TBC1D30: variants seen among roughly 807,000 people sequenced by gnomAD.
The protein encoded by TBC1D30 is TBC1 domain family member 30.
A neutral mutation model predicts 63.2 loss-of-function variants in TBC1D30; 31 were observed. That is an observed-to-expected ratio of 0.49 (90% CI 0.37 to 0.66). TBC1D30 has a LOEUF of 0.66. Among genes scored for constraint, TBC1D30 ranks in the 30% least tolerant of loss-of-function variants. The pLI, the probability that TBC1D30 is intolerant of heterozygous loss-of-function variation, is 0.00. For synonymous variants in TBC1D30, 307 were observed against 361.5 expected, an observed-to-expected ratio of 0.85 and a Z score of 1.71; for missense variants, 810 against 953.6, an observed-to-expected ratio of 0.85 and a Z score of 1.98.
exon 1 of TBC1D30, chr12:64,759,573 G>A (rs1870415858): frequency 2.3e-6 from 1 of 437,552 alleles, no homozygotes; most frequent in East Asian, 3.9e-5. Context: ...GCGGAGAACC[G>A]GAGAAAAGGG....
At chr12:64,845,594 C>A (rs562187065) in intron 8 of TBC1D30, among the ~76,000 whole-genome samples, 61 of 151,756 alleles carry the variant, frequency 4.0e-4, no homozygotes, top group Non-Finnish European at 7.8e-4. Flanking sequence ...GGCGTGGTGG[C>A]GGGTGCCTGT....
chr12:64,851,809 G>C (rs939786055), intron 8 of TBC1D30, among the ~76,000 whole-genome samples: 4 of 152,154 alleles, frequency 2.6e-5, no homozygotes, highest in African/African-American at 9.7e-5. Context: ...GAGATTCTGG[G>C]CTGAATATTC....
At chr12:64,867,252 T>G (rs1389833218) in intron 10 of TBC1D30, among the ~76,000 whole-genome samples, 2 of 151,826 alleles carry the variant, frequency 1.3e-5, no homozygotes, top group Admixed American at 6.6e-5. Flanking sequence ...CATCATGAGG[T>G]CAGGAGTTTG....
chr12:64,875,204 C>T lies in TBC1D30; in HGVS notation c.1702C>T (p.His568Tyr). Reference sequence around the variant, plus strand: ...GAAGCTCAACTCCCCGTGGCGAACTCACATCCGAGTCCACAAAAAGAACAT... The same window carrying T: ...GAAGCTCAACTCCCCGTGGCGAACTTACATCCGAGTCCACAAAAAGAACAT... ...KTKLNSPWRT[H>Y]IRVHKKNMPR... The change falls in exon 12 of 12, where the codon CAC becomes TAC. Residue 568 changes from histidine (H) to tyrosine (Y), a missense_variant. By Grantham distance (83) the His-to-Tyr change is moderately conservative. Transcript: ENST00000539867. 6.5e-7 allele frequency: 1 copy of T among 1,536,412 alleles called. No homozygotes were observed. Among genetic ancestry groups the T allele is most frequent in the Non-Finnish European group, 8.7e-7 (1 of 1,146,932 alleles).
chr12:64,808,505 A>G (rs988468035), intron 2 of TBC1D30, among the ~76,000 whole-genome samples: 1 of 152,350 alleles, frequency 6.6e-6, no homozygotes, highest in South Asian at 2.1e-4. Flanking sequence ...AGATACTGCC[A>G]TAAGAGAGAC....
rs74486680 is a variant in TBC1D30 at position 64,829,474 on chromosome 12, A to G, written c.283-903A>G. On this transcript the variant is annotated intron_variant, in intron 3 of 11. Transcript: ENST00000539867. ...GGAGGTAGAATTACTGTTTACTCAG[A>G]TGGGAGGAGTAGGTGAGGTGTGTGT... Among the ~76,000 whole-genome samples the G allele has an allele frequency of 3.9e-3, 593 of 152,218 alleles. 2 individuals carry two copies. The highest frequency in any genetic ancestry group is 6.1e-3 in the Non-Finnish European group (417 of 67,998).
intron 10 of TBC1D30, among the ~76,000 whole-genome samples, chr12:64,869,464 A>G (rs1430423164): frequency 6.6e-6 from 1 of 152,204 alleles, no homozygotes; most frequent in African/African-American, 2.4e-5. Context: ...CTTTTTAAAA[A>G]TCTGAACCCA....
At chr12:64,868,419 CT>C in intron 10 of TBC1D30, 1 of 221,530 alleles carries the variant, frequency 4.5e-6, no homozygotes, top group Non-Finnish European at 8.9e-6. Context: ...ACCTCTGATC[CT>C]TAGGGAAAAT....
At chr12:64,793,079 C>T (rs1872029485) in intron 2 of TBC1D30, among the ~76,000 whole-genome samples, 1 of 152,080 alleles carries the variant, frequency 6.6e-6, no homozygotes, top group South Asian at 2.1e-4. Flanking sequence ...GGGTCTCACA[C>T]CTGTAATCCT....
At chr12:64,825,234 C>G (rs911931761) in intron 1 of TBC1D30, 1 of 582,712 alleles carries the variant, frequency 1.7e-6, no homozygotes, top group Admixed American at 4.0e-5. Context: ...GGTGGGGCAG[C>G]GGCCACCCCA....
chr12:64,824,767 C>T lies in TBC1D30; in HGVS notation c.-113C>T. 2 of 1,385,822 alleles carry T rather than the reference C, an allele frequency of 1.4e-6. No homozygotes were observed. Among genetic ancestry groups the T allele is most frequent in the South Asian group, 2.9e-5 (2 of 67,916 alleles). The allele number at this position is 1,385,822 out of a possible 1,614,324, so 85.8% of individuals were successfully genotyped here. ...GCCGGCTGTGCGCTCCCTGCTCCCA[C>T]GGGCCGGTCAGCCGCAGACACTCAC... On this transcript the variant is annotated 5_prime_UTR_variant, in exon 1 of 12. It adds an upstream start codon to the 5' untranslated region. Coordinates refer to ENST00000539867, the MANE Select transcript of TBC1D30 (RefSeq NM_015279.2).
At chr12:64,772,360 C>T (rs1241234190) in intron 1 of TBC1D30, among the ~76,000 whole-genome samples, 1 of 151,846 alleles carries the variant, frequency 6.6e-6, no homozygotes, top group Admixed American at 6.6e-5. Context: ...GACAAAATGG[C>T]TTAGTCAATT....
rs1335757495 is a variant in TBC1D30 at position 64,850,305 on chromosome 12, C to G, written c.1038+6820C>G. 2.0e-5 allele frequency among the ~76,000 whole-genome samples: 3 copies of G among 152,122 alleles called. No individual in the cohort carries two copies. The South Asian group carries it at 6.2e-4, about 32-fold the overall frequency. ...ATTGCCCTGGCCAGAACTTCTAATA[C>G]TGTGTTGAATAGGAGTGATGAGAGA... On this transcript the variant is annotated intron_variant, in intron 8 of 11. Coordinates refer to ENST00000539867, the MANE Select transcript of TBC1D30 (RefSeq NM_015279.2).
chr12:64,826,561 G>C (rs1400579560), intron 1 of TBC1D30, among the ~76,000 whole-genome samples: 1 of 152,062 alleles, frequency 6.6e-6, no homozygotes, highest in African/African-American at 2.4e-5. Context: ...TAAAGCGTGC[G>C]CTGGGCTGGA....
chr12:64,764,827 G>A (rs1235298261), intron 1 of TBC1D30, among the ~76,000 whole-genome samples: 1 of 152,222 alleles, frequency 6.6e-6, no homozygotes, highest in Non-Finnish European at 1.5e-5. Flanking sequence ...ACTGAGATGT[G>A]CATTCACAGG....
intron 6 of TBC1D30, 134 bp from the exon 7 acceptor site, chr12:64,838,549 A>C: frequency 1.1e-6 from 1 of 894,834 alleles, no homozygotes; most frequent in Non-Finnish European, 1.6e-6. Context: ...AGAAAGAACA[A>C]GAGTTTAGAA....
At chr12:64,842,442 T>C (rs747221690) in intron 7 of TBC1D30, among the ~76,000 whole-genome samples, 1 of 152,176 alleles carries the variant, frequency 6.6e-6, no homozygotes, top group Non-Finnish European at 1.5e-5. Flanking sequence ...TTCCCCTTTG[T>C]AGAAGAAAGA....
Position 64,870,816 on chromosome 12 carries a change from G to A in TBC1D30, c.1498+8G>A. 4 of 1,535,800 alleles carry A rather than the reference G, an allele frequency of 2.6e-6. No individual in the cohort carries two copies. Among genetic ancestry groups the A allele is most frequent in the Non-Finnish European group, 3.5e-6 (4 of 1,146,690 alleles). ...AGGTGTACATCAGGGCAGGTAATGT[G>A]ATTCTTCATTTGAATCAATTTCAGC... On this transcript the variant is annotated splice_region_variant and intron_variant, in intron 11 of 11. Coordinates refer to ENST00000539867, the MANE Select transcript of TBC1D30 (RefSeq NM_015279.2).
At chr12:64,818,515 C>G (rs956797539) in intron 2 of TBC1D30, 3 of 523,702 alleles carry the variant, frequency 5.7e-6, no homozygotes, top group Non-Finnish European at 7.3e-6. Flanking sequence ...TCCTGGCTCA[C>G]TCAACCTCTG....
Sources: gnomAD v4.1 joint callset for allele counts (sites outside exome capture counted in the v4.1 genomes callset) on GRCh38, gnomAD v4.1.1 for gene constraint, MANE v1.5 for transcripts, NCBI Gene and HGNC (gene_info 2026-07-23, HGNC 2026-07-21) for gene names.